SLC30A5: variants seen among roughly 807,000 people sequenced by gnomAD.
The protein encoded by SLC30A5 is proton-coupled zinc antiporter SLC30A5.
SLC30A5 carries 33 observed loss-of-function variants against 79.6 expected under a neutral mutation model. The ratio of observed to expected loss-of-function variants is 0.41; its 90% CI spans 0.31 to 0.55. The LOEUF is 0.55. SLC30A5 is among the 20% of genes least tolerant of loss of function. The pLI, the probability that SLC30A5 is intolerant of heterozygous loss-of-function variation, is 0.20. For missense variants in SLC30A5, 788 were observed against 928.1 expected (o/e 0.85, Z 1.96); for synonymous variants, 299 against 319.7 (o/e 0.94, Z 0.69).
intron 3 of SLC30A5, chr5:69,104,230 C>T (rs893044617): frequency 3.3e-5 from 22 of 663,140 alleles, no homozygotes; most frequent in Admixed American, 2.2e-4. Flanking sequence ...CTCTGCCTCC[C>T]GGGTTCAAGC....
Position 69,115,248 on chromosome 5 carries a change from A to T in SLC30A5, c.624A>T (p.Leu208Phe). 6.2e-7 allele frequency: 1 copy of T among 1,602,002 alleles called. No individual in the cohort carries two copies. The highest frequency in any genetic ancestry group is 2.2e-5 in the East Asian group (1 of 44,514). ...AATTTTACTCACAGGGTGGAGTATT[A>T]TTGCTAGTACTGGCTTTGTGTTGTA... ...LGVADHKGGV[L>F]LLVLALCCKV... The change falls in exon 8 of 16, where the codon TTA (leucine) becomes TTT (phenylalanine). Residue 208 changes from leucine to phenylalanine, a missense_variant. Leu to Phe is a conservative substitution (Grantham distance 22). Coordinates refer to ENST00000396591, the MANE Select transcript of SLC30A5 (RefSeq NM_022902.5).
Position 69,129,659 on chromosome 5 carries a change from T to C in SLC30A5, c.*42T>C. 1.3e-6 allele frequency: 2 copies of C among 1,534,266 alleles called. No individual in the cohort carries two copies. Among genetic ancestry groups the C allele is most frequent in the Non-Finnish European group, 1.8e-6 (2 of 1,132,386 alleles). ...CCCCTGGAGAATAAACAATGAAGAT[T>C]AAATGACTCAGTATTTGTAATATTG... On this transcript the variant is annotated 3_prime_UTR_variant, in exon 16 of 16. Transcript: ENST00000396591.
rs1483766382 is a variant in SLC30A5, at chr5:69,121,841, G to C, written c.1717G>C (p.Gly573Arg). 6.2e-7 allele frequency: 1 copy of C among 1,613,642 alleles called. No homozygotes were observed. The highest frequency in any genetic ancestry group is 8.5e-7 in the Non-Finnish European group (1 of 1,179,782). The change falls in exon 13 of 16, where the codon GGG (glycine) becomes CGG (arginine). Residue 573 changes from glycine (G) to arginine (R), a missense_variant. Coordinates refer to ENST00000396591, the MANE Select transcript of SLC30A5 (RefSeq NM_022902.5). ...CCATATGCATGGACACAGTGACCATGGGCATGGTCACAGCCACGGATCTGC... is the reference window on the plus strand; with the variant it reads ...CCATATGCATGGACACAGTGACCATCGGCATGGTCACAGCCACGGATCTGC... Reference protein sequence around the residue: ...SHHMHGHSDHGHGHSHGSAGG... With the variant: ...SHHMHGHSDHRHGHSHGSAGG...
chr5:69,117,115 G>A, intron 10 of SLC30A5, 124 bp from the exon 11 acceptor site: 1 of 679,088 alleles, frequency 1.5e-6, no homozygotes, highest in East Asian at 2.6e-5. Flanking sequence ...AATGTAAGTG[G>A]CAGTTAAATA....
At chr5:69,095,196 CTTTTTTTTTTTTTT>C in intron 1 of SLC30A5, among the ~76,000 whole-genome samples, 1 of 112,310 alleles carries the variant, frequency 8.9e-6, no homozygotes, top group Middle Eastern at 5.0e-3. Context: ...TATAACGTAA[CTTTTTTTTTTTTTT>C]TTTTTTTTGA....
In SLC30A5 at chr5:69,109,423, A is replaced by T. The variant is rs150273114; in HGVS notation, c.447+987A>T. On this transcript the variant is annotated intron_variant, in intron 5 of 15. Transcript: ENST00000396591. ...CTTACTCAGATTTTACCAATTTTAC[A>T]TACGATCGTGTGTGTGTGTATGTAT... is the stretch of plus-strand genomic sequence containing the variant. Among the ~76,000 whole-genome samples the T allele has an allele frequency of 3.9e-5, 6 of 152,136 alleles. No homozygotes were observed. The East Asian group carries it at 1.2e-3, about 29-fold the overall frequency.
Position 69,108,418 on chromosome 5 carries a change from T to C in SLC30A5, c.429T>C (p.Ser143=). 1 of 1,613,184 alleles carries C rather than the reference T, an allele frequency of 6.2e-7. No individual in the cohort carries two copies. The highest frequency in any genetic ancestry group is 8.5e-7 in the Non-Finnish European group (1 of 1,179,230). The change falls in exon 5 of 16, where the codon TCT becomes TCC. Residue 143 remains serine, a synonymous_variant. Transcript: ENST00000396591. ...ISLLSVLFTS[S]GGGPAKTRGA... is the part of the protein sequence containing the mutation. ...TACTCAGTGTTTTGTTCACCAGTTC[T>C]GGAGGAGGACCAGCAAAGGTAGAAT...
At chr5:69,120,250 G>T (rs1746500000) in intron 12 of SLC30A5, among the ~76,000 whole-genome samples, 1 of 152,076 alleles carries the variant, frequency 6.6e-6, no homozygotes, top group South Asian at 2.1e-4. Context: ...CATGCATGGT[G>T]GCGGGCGCCT....
At chr5:69,117,509 T>C in intron 11 of SLC30A5, 113 bp downstream of exon 11, 1 of 945,892 alleles carries the variant, frequency 1.1e-6, no homozygotes, top group East Asian at 2.7e-5. Flanking sequence ...ATCTTCATTT[T>C]TAAAAAATGT....
rs775497193 is a variant in SLC30A5, at chr5:69,116,267, G to A, written c.1072+53G>A. 1 of 1,517,860 alleles carries A rather than the reference G, an allele frequency of 6.6e-7. No homozygotes were observed. The highest frequency in any genetic ancestry group is 2.3e-5 in the East Asian group (1 of 43,586). The allele number at this position is 1,517,860 out of a possible 1,614,324, so 94.0% of individuals were successfully genotyped here. A position where few individuals can be genotyped will look rare whatever the true frequency, so the allele number is the denominator to read the frequency against. Reference sequence around the variant, plus strand: ...TAACAAATTTCTATTTATGGATTTTGATGGTCACATCATTTACTTATTTTG... The same window carrying A: ...TAACAAATTTCTATTTATGGATTTTAATGGTCACATCATTTACTTATTTTG... On this transcript the variant is annotated intron_variant, in intron 9 of 15. Coordinates refer to ENST00000396591, the MANE Select transcript of SLC30A5 (RefSeq NM_022902.5). The surrounding 1 kb of genome is among the most constrained non-coding windows in gnomAD (Gnocchi z 4.0).
intron 3 of SLC30A5, among the ~76,000 whole-genome samples, chr5:69,103,626 G>GA (rs1156916075): frequency 6.6e-6 from 1 of 152,156 alleles, no homozygotes; most frequent in Non-Finnish European, 1.5e-5. Flanking sequence ...GAACTGTGAG[G>GA]AAAAATGAAT....
chr5:69,126,823 A>G (rs1215121235), intron 14 of SLC30A5, among the ~76,000 whole-genome samples: 1 of 151,078 alleles, frequency 6.6e-6, no homozygotes, highest in Admixed American at 6.6e-5. Flanking sequence ...ATATATATAT[A>G]TGTATATATA....
intron 1 of SLC30A5, among the ~76,000 whole-genome samples, chr5:69,098,248 G>A (rs142101814): frequency 1.1e-4 from 17 of 152,022 alleles, no homozygotes; most frequent in African/African-American, 3.9e-4. Context: ...CGCCAGGCGC[G>A]GTGGCTCATG....
chr5:69,103,988 T>G, intron 3 of SLC30A5: 1 of 1,569,658 alleles, frequency 6.4e-7, no homozygotes. Context: ...AAATTCCTGG[T>G]AGAAAAGAAT....
At chr5:69,126,274 T>C (rs2637142) in intron 14 of SLC30A5, among the ~76,000 whole-genome samples, 1 of 152,022 alleles carries the variant, frequency 6.6e-6, no homozygotes, top group African/African-American at 2.4e-5. Context: ...CTCATAGTTA[T>C]TGGATAGTAG....
rs1746581004 is a variant in SLC30A5, at chr5:69,123,186, A to AT, written c.1772-9dup. Reference sequence around the variant, plus strand: ...GCCTTAATTTTTAATGTCCTTATATATTTTATTTGTAGGTGTATTTCTACA... The same window carrying AT: ...GCCTTAATTTTTAATGTCCTTATATATTTTTATTTGTAGGTGTATTTCTACA... On this transcript the variant is annotated splice_polypyrimidine_tract_variant and intron_variant, in intron 13 of 15. Coordinates refer to ENST00000396591, the MANE Select transcript of SLC30A5 (RefSeq NM_022902.5). 1.3e-6 allele frequency: 2 copies of AT among 1,558,970 alleles called. No individual in the cohort carries two copies.
chr5:69,110,191 A>G (rs1484221707), intron 5 of SLC30A5, among the ~76,000 whole-genome samples: 1 of 152,128 alleles, frequency 6.6e-6, no homozygotes, highest in Non-Finnish European at 1.5e-5. Flanking sequence ...CTTCAGCCAA[A>G]ATATCCTTCA....
chr5:69,113,094 C>A, intron 5 of SLC30A5, 46 bp from the exon 6 acceptor site: 2 of 1,487,048 alleles, frequency 1.3e-6, no homozygotes, highest in South Asian at 2.4e-5. Context: ...TCTTAAAAAT[C>A]AACCCTTGAA....
chr5:69,120,332 C>T (rs1004641984), intron 12 of SLC30A5, among the ~76,000 whole-genome samples: 7 of 150,744 alleles, frequency 4.6e-5, no homozygotes, highest in Admixed American at 3.3e-4. Context: ...TGCAATAAGC[C>T]GAGATCATGC....
Sources: gnomAD v4.1 joint callset for allele counts (sites outside exome capture counted in the v4.1 genomes callset) on GRCh38, gnomAD v4.1.1 for gene constraint, Gnocchi (gnomAD v3.1) non-coding constraint, MANE v1.5 for transcripts, NCBI Gene and HGNC (gene_info 2026-07-23, HGNC 2026-07-21) for gene names.